The following ELOC variants were observed in gnomAD, a reference collection of about 807,000 sequenced individuals.
The protein encoded by ELOC is elongin-C.
For missense variants in ELOC, 38 were observed against 139.0 expected, an observed-to-expected ratio of 0.27 and a Z score of 3.65; for synonymous variants, 40 against 51.3, an observed-to-expected ratio of 0.78 and a Z score of 0.94.
intron 3 of ELOC, 181 bp downstream of exon 3, chr8:73,955,730 A>C: frequency 1.4e-6 from 1 of 709,580 alleles, no homozygotes; most frequent in Non-Finnish European, 2.4e-6. Flanking sequence ...GCACCATTGC[A>C]CTCCAGCCTG....
intron 1 of ELOC, among the ~76,000 whole-genome samples, chr8:73,960,021 G>A (rs544819630): frequency 1.3e-5 from 2 of 152,190 alleles, no homozygotes; most frequent in African/African-American, 2.4e-5. Context: ...TTGATCAGTT[G>A]GCACTTCTGA....
At chr8:73,947,981 T>G (rs1813494047) in intron 3 of ELOC, among the ~76,000 whole-genome samples, 1 of 151,936 alleles carries the variant, frequency 6.6e-6, no homozygotes, top group South Asian at 2.1e-4. Flanking sequence ...TCATTTGAGG[T>G]CAAGAGTTCG....
At chr8:73,971,032 C>CAAAAAAAAAAAAAAAAAAAAAAAA (rs67188912) in intron 1 of ELOC, among the ~76,000 whole-genome samples, 84 of 61,986 alleles carry the variant, frequency 1.4e-3, no homozygotes, top group Non-Finnish European at 1.8e-3. Context: ...GACTCCGTCT[C>CAAAAAAAAAAAAAAAAAAAAAAAA]AAAAAAAAAA....
At chr8:73,949,860 TATAAA>T (rs1190929882) in intron 3 of ELOC, among the ~76,000 whole-genome samples, 1 of 152,232 alleles carries the variant, frequency 6.6e-6, no homozygotes, top group African/African-American at 2.4e-5. Context: ...AGCCTGCTGT[TATAAA>T]ATAAAATTAA....
At chr8:73,953,570 G>C (rs754614968) in intron 3 of ELOC, among the ~76,000 whole-genome samples, 9 of 151,808 alleles carry the variant, frequency 5.9e-5, no homozygotes, top group Non-Finnish European at 1.3e-4. Context: ...AGCTGCAGGA[G>C]AATCGCTTGA....
chr8:73,961,891 A>G (rs999685661), intron 1 of ELOC, among the ~76,000 whole-genome samples: 2 of 151,350 alleles, frequency 1.3e-5, no homozygotes, highest in South Asian at 2.1e-4. Context: ...CCTTACATAC[A>G]TTATCTTGTT....
At chr8:73,960,320 T>C (rs1038251082) in intron 1 of ELOC, among the ~76,000 whole-genome samples, 16 of 152,316 alleles carry the variant, frequency 1.1e-4, no homozygotes, top group African/African-American at 3.4e-4. Flanking sequence ...GGCTGGTTTT[T>C]GATCCTCGTT....
At chr8:73,962,040 T>TGCATG (rs1192745733) in intron 1 of ELOC, among the ~76,000 whole-genome samples, 2 of 151,680 alleles carry the variant, frequency 1.3e-5, no homozygotes, top group African/African-American at 4.8e-5. Context: ...GGACTACAGG[T>TGCATG]GCATGGGACC....
intron 1 of ELOC, chr8:73,971,840 G>A (rs1343029492): frequency 6.6e-6 from 1 of 152,348 alleles, no homozygotes; most frequent in Non-Finnish European, 1.5e-5. Context: ...GCTGGCTGCT[G>A]CCCCTCCTTC....
intron 3 of ELOC, among the ~76,000 whole-genome samples, chr8:73,950,207 A>G (rs1813654746): frequency 6.6e-6 from 1 of 152,236 alleles, no homozygotes; most frequent in Non-Finnish European, 1.5e-5. Flanking sequence ...CCATGTCAAA[A>G]GGACACAGAA....
rs149713108 is a variant in ELOC at position 73,948,835 on chromosome 8, A to ACAAGCAAGCAAGCAAG, written c.149-2031_149-2016dup. Among the ~76,000 whole-genome samples, 281 of 150,378 alleles carry ACAAGCAAGCAAGCAAG rather than the reference A, an allele frequency of 1.9e-3. 1 individual carries two copies. The highest frequency in any genetic ancestry group is 3.4e-3 in the African/African-American group (139 of 40,806). ...GGGCAAGACAGAGACCCTGTCACTC[A>ACAAGCAAGCAAGCAAG]CAAGCAAGCAAGCAAGCAAGCAAGC... On this transcript the variant is annotated intron_variant, in intron 3 of 3. Transcript: ENST00000520242.
chr8:73,965,550 T>C (rs561659248), intron 1 of ELOC, among the ~76,000 whole-genome samples: 1 of 152,342 alleles, frequency 6.6e-6, no homozygotes, highest in East Asian at 1.9e-4. Flanking sequence ...ATCCGATTTA[T>C]ATAAAATTAT....
intron 1 of ELOC, among the ~76,000 whole-genome samples, chr8:73,963,647 T>C (rs951699156): frequency 6.6e-6 from 1 of 152,226 alleles, no homozygotes; most frequent in African/African-American, 2.4e-5. Flanking sequence ...TCTTTTTACA[T>C]TGGCTATTTA....
In ELOC at chr8:73,945,659, T is replaced by C. The variant is rs934840858; in HGVS notation, c.*971A>G. The C allele has an allele frequency of 6.6e-6, 1 of 152,200 alleles. No individual in the cohort carries two copies. The highest frequency in any genetic ancestry group is 1.5e-5 in the Non-Finnish European group (1 of 68,042). 9.4% of individuals were successfully genotyped at this position (152,200 alleles called of 1,614,324 possible). On this transcript the variant is annotated 3_prime_UTR_variant, in exon 4 of 4. Transcript: ENST00000520242. Reference sequence around the variant, plus strand: ...TATGGGTATATTTATTGGGACATATTTTAATAGAAGATAATTCATGTAGGA... The same window carrying C: ...TATGGGTATATTTATTGGGACATATCTTAATAGAAGATAATTCATGTAGGA...
Position 73,964,246 on chromosome 8 carries a change from CA to C in ELOC, c.-50-4429del, listed in dbSNP as rs560289242. Among the ~76,000 whole-genome samples the C allele has an allele frequency of 4.2e-3, 345 of 81,998 alleles. 1 individual carries two copies. The highest frequency in any genetic ancestry group is 5.3e-3 in the African/African-American group (136 of 25,684). 53.8% of individuals were successfully genotyped at this position (81,998 alleles called of 152,430 possible). A position where few individuals can be genotyped will look rare whatever the true frequency, so the allele number is the denominator to read the frequency against. On this transcript the variant is annotated intron_variant, in intron 1 of 3. Coordinates refer to ENST00000520242, the MANE Select transcript of ELOC (RefSeq NM_005648.4). ...TGTTTCATATCAACTTATAAATGGC[CA>C]AAAAAAAAAAAAAAAAAGATAAGCA...
intron 3 of ELOC, among the ~76,000 whole-genome samples, chr8:73,950,595 A>T (rs1020038454): frequency 1.3e-5 from 2 of 152,178 alleles, no homozygotes; most frequent in African/African-American, 4.8e-5. Context: ...ATGAATGCTA[A>T]ATCATAGTGG....
At chr8:73,971,577 G>C (rs1019908306) in intron 1 of ELOC, among the ~76,000 whole-genome samples, 8 of 151,944 alleles carry the variant, frequency 5.3e-5, no homozygotes, top group Non-Finnish European at 1.2e-4. Context: ...AGACAAGACT[G>C]GACGGCCAGT....
intron 1 of ELOC, among the ~76,000 whole-genome samples, chr8:73,968,063 T>A: frequency 6.6e-6 from 1 of 152,194 alleles, no homozygotes. Context: ...TCATCTCTTA[T>A]CATAAATTAA....
intron 1 of ELOC, among the ~76,000 whole-genome samples, chr8:73,960,677 AT>A (rs1270682746): frequency 2.0e-5 from 3 of 152,224 alleles, no homozygotes; most frequent in African/African-American, 7.2e-5. Context: ...TGCTGGAAGG[AT>A]GATGCATACT....
Sources: allele counts gnomAD v4.1 joint callset (sites outside exome capture counted in the v4.1 genomes callset), GRCh38; gene constraint gnomAD v4.1.1; transcripts MANE v1.5; gene names NCBI Gene and HGNC (gene_info 2026-07-23, HGNC 2026-07-21).